CAPRIN2: variants seen among roughly 807,000 people sequenced by gnomAD.
CAPRIN2 encodes the protein caprin family member 2.
CAPRIN2 carries 66 observed loss-of-function variants against 130.4 expected under a neutral mutation model. The observed-to-expected ratio is 0.51, with a 90% CI of 0.42 to 0.62. CAPRIN2 has a LOEUF of 0.62. Among genes scored for constraint, CAPRIN2 ranks in the 20% least tolerant of loss-of-function variants. The probability of loss-of-function intolerance (pLI) is 0.00; values close to 1 mark genes in which losing one functional copy is unlikely to be tolerated. For synonymous variants in CAPRIN2, 471 were observed against 444.1 expected (o/e 1.06, Z -0.76); for missense variants, 1,185 against 1,246.6 (o/e 0.95, Z 0.74).
At chr12:30,754,548 G>C (rs1024971410), upstream of CAPRIN2, 15 of 152,210 alleles carry the variant, frequency 9.9e-5, no homozygotes, top group African/African-American at 2.9e-4. Flanking sequence ...CGGGTACGCA[G>C]AAGCCGCTTC....
intron 5 of CAPRIN2, among the ~76,000 whole-genome samples, chr12:30,731,745 T>C (rs1217890808): frequency 2.0e-5 from 3 of 152,064 alleles, no homozygotes; most frequent in African/African-American, 4.8e-5. Context: ...GCTGAATCAA[T>C]ATGAATTTTA....
chr12:30,753,692 C>G (rs375789275), exon 1 of CAPRIN2: 1 of 1,614,142 alleles, frequency 6.2e-7, no homozygotes, highest in African/African-American at 1.3e-5. Context: ...AAAGTCTAGA[C>G]CACTCCCTTA....
At chr12:30,753,374 T>C in exon 1 of CAPRIN2, 1 of 1,611,400 alleles carries the variant, frequency 6.2e-7, no homozygotes, top group Non-Finnish European at 8.5e-7. Flanking sequence ...TAATTTTGTG[T>C]TTAAGGCATA....
At position 30,754,382 on chromosome 12, in the gene CAPRIN2, C is replaced by G. The variant is rs150059543; in HGVS notation, c.-619G>C. 7.4e-3 allele frequency: 1,136 copies of G among 153,146 alleles called. 14 individuals carry two copies. The highest frequency in any genetic ancestry group is 0.026 in the African/African-American group (1,077 of 41,566). 9.5% of individuals were successfully genotyped at this position (153,146 alleles called of 1,614,324 possible). On this transcript the variant is annotated 5_prime_UTR_variant, in exon 1 of 17. Transcript: ENST00000298892. ...GCACCCGAGGTATCCCTTTCTCCCC[C>G]CTTAGGAGCATCCCCAAACCAAGGA... is the stretch of plus-strand genomic sequence containing the variant.
intron 3 of CAPRIN2, among the ~76,000 whole-genome samples, chr12:30,737,817 T>C (rs1028776504): frequency 2.6e-5 from 4 of 152,050 alleles, no homozygotes; most frequent in Admixed American, 2.0e-4. Flanking sequence ...TAGGATGGTC[T>C]GGATCTCCTG....
chr12:30,714,366 T>G (rs2056643947), intron 14 of CAPRIN2, among the ~76,000 whole-genome samples: 1 of 152,174 alleles, frequency 6.6e-6, no homozygotes, highest in South Asian at 2.1e-4. Flanking sequence ...TAATTCTTTG[T>G]AGAGGTAGGG....
intron 14 of CAPRIN2, 110 bp from the exon 17 acceptor site, chr12:30,713,995 T>C: frequency 1.7e-6 from 1 of 572,378 alleles, no homozygotes; most frequent in South Asian, 2.8e-5. Flanking sequence ...AATGCCATCA[T>C]TAGACTTATG....
At chr12:30,752,043 T>G (rs1284087923) in intron 1 of CAPRIN2, among the ~76,000 whole-genome samples, 1 of 151,014 alleles carries the variant, frequency 6.6e-6, no homozygotes, top group Non-Finnish European at 1.5e-5. Context: ...CTCAGCCTCC[T>G]GAGTAGGTGG....
intron 11 of CAPRIN2, among the ~76,000 whole-genome samples, chr12:30,722,584 T>C (rs2059727292): frequency 6.6e-6 from 1 of 152,114 alleles, no homozygotes; most frequent in Admixed American, 6.6e-5. Flanking sequence ...AAAACCCCAA[T>C]ATACCCTGCT....
intron 2 of CAPRIN2, among the ~76,000 whole-genome samples, chr12:30,745,966 G>C (rs1274814080): frequency 6.6e-6 from 1 of 152,112 alleles, no homozygotes; most frequent in Non-Finnish European, 1.5e-5. Flanking sequence ...TTTAAAAACT[G>C]ATGCCAAAAG....
intron 2 of CAPRIN2, among the ~76,000 whole-genome samples, chr12:30,741,805 T>C (rs945062490): frequency 6.6e-6 from 1 of 152,070 alleles, no homozygotes; most frequent in Non-Finnish European, 1.5e-5. Flanking sequence ...CTCCAAGGTA[T>C]CTACCCAAAA....
chr12:30,729,017 C>T, exon 8 of CAPRIN2: 1 of 1,614,196 alleles, frequency 6.2e-7, no homozygotes, highest in Non-Finnish European at 8.5e-7. Context: ...CTTGCTTCCA[C>T]TGGCTAGGAG....
intron 2 of CAPRIN2, among the ~76,000 whole-genome samples, chr12:30,748,867 G>A (rs2072142664): frequency 6.6e-6 from 1 of 152,050 alleles, no homozygotes; most frequent in Non-Finnish European, 1.5e-5. Flanking sequence ...TACGCACTAG[G>A]AATACAGCAA....
At chr12:30,730,215 G>A (rs1384636498) in intron 7 of CAPRIN2, 24 bp downstream of exon 8, 1 of 1,597,352 alleles carries the variant, frequency 6.3e-7, no homozygotes, top group Non-Finnish European at 8.6e-7. Context: ...ATCAACATCA[G>A]CAAATTGTCT....
intron 6 of CAPRIN2, 136 bp from the exon 8 acceptor site, chr12:30,730,418 A>T (rs2062275856): frequency 1.6e-6 from 1 of 644,484 alleles, no homozygotes; most frequent in South Asian, 2.0e-5. Flanking sequence ...AAGTATATTG[A>T]TGGCAAGAGG....
chr12:30,740,928 C>A, intron 3 of CAPRIN2, 92 bp downstream of exon 4: 1 of 718,502 alleles, frequency 1.4e-6, no homozygotes, highest in Non-Finnish European at 2.4e-6. Flanking sequence ...GAATAATAAC[C>A]AAACACCATT....
rs1250235693 is a variant in CAPRIN2 at position 30,751,063 on chromosome 12, C to A, written c.483+8G>T. Reference sequence around the variant, plus strand: ...GCAAGTCTTACTAAAAGATCATAAGCCACTTACCAACTGGTCTGGATTAAG... The same window carrying A: ...GCAAGTCTTACTAAAAGATCATAAGACACTTACCAACTGGTCTGGATTAAG... On this transcript the variant is annotated splice_region_variant and intron_variant, in intron 2 of 16. Transcript: ENST00000298892. 1 of 1,609,070 alleles carries A rather than the reference C, an allele frequency of 6.2e-7. No individual in the cohort carries two copies. Among genetic ancestry groups the A allele is most frequent in the South Asian group, 1.1e-5 (1 of 90,994 alleles).
intron 5 of CAPRIN2, among the ~76,000 whole-genome samples, chr12:30,733,324 A>C (rs1426667235): frequency 6.6e-6 from 1 of 152,202 alleles, no homozygotes; most frequent in Non-Finnish European, 1.5e-5. Context: ...AGGTACTACC[A>C]CACAGAATAG....
chr12:30,732,514 T>A lies in CAPRIN2; in HGVS notation c.893-1004A>T, dbSNP rs986179932. 3.3e-5 allele frequency among the ~76,000 whole-genome samples: 5 copies of A among 152,018 alleles called. No individual in the cohort carries two copies. In the South Asian group the frequency reaches 1.0e-3, roughly 31 times the overall value. ...AGAACCATGATATAGAGGATTTTCA[T>A]CAACCCAAAAAATTCCTTACTACCC... On this transcript the variant is annotated intron_variant, in intron 5 of 16. Transcript: ENST00000298892.
Sources: allele counts gnomAD v4.1 joint callset (sites outside exome capture counted in the v4.1 genomes callset), GRCh38; gene constraint gnomAD v4.1.1; transcripts MANE v1.5; gene names NCBI Gene and HGNC (gene_info 2026-07-23, HGNC 2026-07-21).